PXDNL: variants seen among roughly 807,000 people sequenced by gnomAD.
PXDNL encodes the protein probable oxidoreductase PXDNL.
A neutral mutation model predicts 150.8 loss-of-function variants in PXDNL; 145 were observed. That is an observed-to-expected ratio of 0.96 (90% CI 0.84 to 1.10). The LOEUF is 1.10. PXDNL is among the 50% of genes least tolerant of loss of function. PXDNL has a pLI of 0.00. For missense variants in PXDNL, 2,087 were observed against 1,873.9 expected (o/e 1.11, Z -2.10); for synonymous variants, 757 against 725.7 (o/e 1.04, Z -0.69).
chr8:51,340,840 A>G (rs1037536151), intron 20 of PXDNL, among the ~76,000 whole-genome samples: 2 of 152,226 alleles, frequency 1.3e-5, no homozygotes, highest in Non-Finnish European at 2.9e-5. Context: ...TTAAATATAC[A>G]AGTATTGTTA....
intron 12 of PXDNL, among the ~76,000 whole-genome samples, chr8:51,446,358 C>A (rs1032893795): frequency 1.3e-5 from 2 of 152,178 alleles, no homozygotes; most frequent in African/African-American, 2.4e-5. Flanking sequence ...AGGTGCTATG[C>A]ATTTTGTAAT....
At chr8:51,717,843 C>T (rs766495883) in intron 1 of PXDNL, among the ~76,000 whole-genome samples, 4 of 152,160 alleles carry the variant, frequency 2.6e-5, no homozygotes, top group Non-Finnish European at 2.9e-5. Context: ...CAAAAGGGAA[C>T]GAGAATGGAT....
At chr8:51,739,247 T>A (rs2036876753) in intron 1 of PXDNL, among the ~76,000 whole-genome samples, 1 of 151,910 alleles carries the variant, frequency 6.6e-6, no homozygotes, top group South Asian at 2.1e-4. Flanking sequence ...GGAGCAGAAG[T>A]CAACCTGATA....
intron 20 of PXDNL, 128 bp from the exon 21 acceptor site, chr8:51,339,881 T>C (rs1805939469): frequency 1.2e-6 from 1 of 848,116 alleles, no homozygotes; most frequent in African/African-American, 1.7e-5. Flanking sequence ...TTTGTGATCT[T>C]AAAAGGAAAA....
chr8:51,332,952 G>A (rs546049644), intron 21 of PXDNL, among the ~76,000 whole-genome samples: 20 of 152,334 alleles, frequency 1.3e-4, no homozygotes, highest in African/African-American at 4.8e-4. Context: ...AGCCTTGCCA[G>A]AGACCTAGAC....
chr8:51,388,897 A>G (rs985941675), intron 17 of PXDNL, among the ~76,000 whole-genome samples: 4 of 152,146 alleles, frequency 2.6e-5, no homozygotes, highest in African/African-American at 9.7e-5. Context: ...ATGTCTTGAA[A>G]TTCAGTTTTT....
intron 1 of PXDNL, among the ~76,000 whole-genome samples, chr8:51,773,096 G>C (rs886809794): frequency 7.9e-5 from 12 of 152,142 alleles, no homozygotes; most frequent in African/African-American, 2.9e-4. Flanking sequence ...GATGATAATA[G>C]GATGAACTAT....
At chr8:51,728,232 G>A (rs1367035767) in intron 1 of PXDNL, among the ~76,000 whole-genome samples, 1 of 152,188 alleles carries the variant, frequency 6.6e-6, no homozygotes, top group African/African-American at 2.4e-5. Flanking sequence ...TGTTATAAAA[G>A]TCTAGCACAT....
At position 51,683,164 on chromosome 8, in the gene PXDNL, C is replaced by CATATATATATATATATATAT. The variant is rs71237228; in HGVS notation, c.165-28424_165-28405dup. The stretch of plus-strand genomic sequence containing the variant: ...ATCCTTACTAACACCAATTGTCTTT[C>CATATATATATATATATATAT]ATATATATATATATATATATATATA... On this transcript the variant is annotated intron_variant, in intron 1 of 22. Transcript: ENST00000356297. 1.3e-3 allele frequency among the ~76,000 whole-genome samples: 60 copies of CATATATATATATATATATAT among 44,460 alleles called. 8 individuals are homozygous for CATATATATATATATATATAT. The highest frequency in any genetic ancestry group is 1.7e-3 in the Non-Finnish European group (40 of 24,070). The allele number at this position is 44,460 out of a possible 152,430, so 29.2% of individuals were successfully genotyped here. A position where few individuals can be genotyped will look rare whatever the true frequency, so the allele number is the denominator to read the frequency against.
rs2037711228 is a variant in PXDNL, at chr8:51,809,375, G to C, written c.-31C>G. ...CATTCGCTGCTGGCCACGCGAAGAA[G>C]CAGCCGGAGGGAGAGCAGCAGCTGC... On this transcript the variant is annotated 5_prime_UTR_variant, in exon 1 of 23. Transcript: ENST00000356297. The C allele has an allele frequency of 1.3e-6, 2 of 1,510,214 alleles. No individual in the cohort carries two copies. Among genetic ancestry groups the C allele is most frequent in the African/African-American group, 2.8e-5 (2 of 70,794 alleles). The allele number at this position is 1,510,214 out of a possible 1,614,324, so 93.6% of individuals were successfully genotyped here. A position where few individuals can be genotyped will look rare whatever the true frequency, so the allele number is the denominator to read the frequency against.
At chr8:51,598,691 C>T (rs1407455961) in intron 2 of PXDNL, among the ~76,000 whole-genome samples, 2 of 151,740 alleles carry the variant, frequency 1.3e-5, no homozygotes, top group African/African-American at 2.4e-5. Flanking sequence ...GGATATTGGC[C>T]TGTAGTTTCA....
At chr8:51,419,024 T>C (rs1369161248) in intron 14 of PXDNL, among the ~76,000 whole-genome samples, 2 of 152,118 alleles carry the variant, frequency 1.3e-5, no homozygotes, top group African/African-American at 4.8e-5. Context: ...AGCTTCCTGC[T>C]TCTGCTATGA....
intron 1 of PXDNL, among the ~76,000 whole-genome samples, chr8:51,718,200 C>T (rs948290966): frequency 1.3e-5 from 2 of 152,008 alleles, no homozygotes; most frequent in African/African-American, 4.8e-5. Context: ...CAAGCAGACC[C>T]CAACACCACA....
chr8:51,420,117 T>C (rs901324922), intron 14 of PXDNL, among the ~76,000 whole-genome samples: 3 of 152,204 alleles, frequency 2.0e-5, no homozygotes, highest in African/African-American at 7.2e-5. Flanking sequence ...TTACTTTCTA[T>C]GGCTGTAATT....
At position 51,409,444 on chromosome 8, in the gene PXDNL, T is replaced by C. The variant is rs1219747472; in HGVS notation, c.2180A>G (p.Tyr727Cys). 4 of 1,612,450 alleles carry C rather than the reference T, an allele frequency of 2.5e-6. No individual in the cohort carries two copies. The African/African-American group carries it at 5.3e-5, about 22-fold the overall frequency. The part of the protein sequence containing the change: ...NCSNRCFHAK[Y>C]RAHDGTCNNL... ...GTTGCACGTGCCGTCGTGGGCGCGG[T>C]ACTTCGCATGGAAACACCGGTTGGA... The change falls in exon 17 of 23, where the codon TAC (tyrosine) becomes TGC (cysteine). Residue 727 changes from tyrosine to cysteine, a missense_variant. Physicochemically the swap from Tyr to Cys is radical, Grantham distance 194. Coordinates refer to ENST00000356297, the MANE Select transcript of PXDNL (RefSeq NM_144651.5).
intron 4 of PXDNL, among the ~76,000 whole-genome samples, chr8:51,533,182 G>A (rs1811942936): frequency 6.6e-6 from 1 of 152,016 alleles, no homozygotes; most frequent in Non-Finnish European, 1.5e-5. Flanking sequence ...GCAGAGTCTT[G>A]CCCTGTCACC....
intron 19 of PXDNL, among the ~76,000 whole-genome samples, chr8:51,349,063 C>T (rs147262670): frequency 6.6e-6 from 1 of 152,054 alleles, no homozygotes; most frequent in African/African-American, 2.4e-5. Context: ...GTGTGACATG[C>T]GGGTATGAAT....
At chr8:51,574,463 T>A (rs1350587037) in intron 3 of PXDNL, among the ~76,000 whole-genome samples, 2 of 149,706 alleles carry the variant, frequency 1.3e-5, no homozygotes, top group Admixed American at 1.3e-4. Flanking sequence ...TTCAACACAG[T>A]CCTAGGAAGA....
intron 1 of PXDNL, among the ~76,000 whole-genome samples, chr8:51,725,079 C>A (rs1048468013): frequency 6.6e-6 from 1 of 152,074 alleles, no homozygotes; most frequent in Non-Finnish European, 1.5e-5. Context: ...GTTCGAACTC[C>A]GGGTGTTTAT....
Sources: allele counts gnomAD v4.1 joint callset (sites outside exome capture counted in the v4.1 genomes callset), GRCh38; gene constraint gnomAD v4.1.1; transcripts MANE v1.5; gene names NCBI Gene and HGNC (gene_info 2026-07-23, HGNC 2026-07-21).